The following ANKRD11 variants were observed in gnomAD, a reference collection of about 807,000 sequenced individuals.
The protein encoded by ANKRD11 is ankyrin repeat domain 11.
Under a neutral mutation model 195.7 loss-of-function variants are expected in ANKRD11, and 17 were observed. The ratio of observed to expected loss-of-function variants is 0.09; its 90% CI spans 0.06 to 0.13. The LOEUF (loss-of-function observed/expected upper bound fraction) is 0.13. ANKRD11 is among the 10% of genes least tolerant of loss of function. ANKRD11 has a pLI of 1.00. For synonymous variants in ANKRD11, 1,953 were observed against 1,528.1 expected, an observed-to-expected ratio of 1.28 and a Z score of -6.49; for missense variants, 3,735 against 3,566.1, an observed-to-expected ratio of 1.05 and a Z score of -1.21.
At chr16:89,468,713 AAAG>A (rs1317770552) in intron 1 of ANKRD11, among the ~76,000 whole-genome samples, 4 of 152,134 alleles carry the variant, frequency 2.6e-5, no homozygotes, top group Admixed American at 6.5e-5. Context: ...TCTCAAAAAA[AAAG>A]AAGGACGAAG....
intron 2 of ANKRD11, among the ~76,000 whole-genome samples, chr16:89,317,816 G>C (rs1483883884): frequency 6.6e-6 from 1 of 152,038 alleles, no homozygotes; most frequent in Non-Finnish European, 1.5e-5. Context: ...ACAAGTTTCT[G>C]GCCAGGGAGA....
intron 2 of ANKRD11, chr16:89,323,364 C>T (rs1246833090): frequency 2.3e-6 from 3 of 1,286,742 alleles, no homozygotes; most frequent in Non-Finnish European, 3.0e-6. Context: ...TGGCCTCTCA[C>T]CTCTCACCAT....
chr16:89,431,651 T>C (rs2152271278), intron 1 of ANKRD11, among the ~76,000 whole-genome samples: 1 of 152,190 alleles, frequency 6.6e-6, no homozygotes, highest in South Asian at 2.1e-4. Flanking sequence ...CTCCACCTCC[T>C]CCCTCAATGT....
rs533512528 is a variant in ANKRD11, at chr16:89,369,607, G to T, written c.-60+48677C>A. ...TTGCCAGGGTGGAAAGAGGATCCTG[G>T]AAAGGGAGGGGGTGCGGTCACAGAA... On this transcript the variant is annotated intron_variant, in intron 2 of 12. Coordinates refer to ENST00000301030, the MANE Select transcript of ANKRD11 (RefSeq NM_013275.6). Among the ~76,000 whole-genome samples the T allele has an allele frequency of 2.0e-5, 3 of 152,324 alleles. No homozygotes were observed. In the East Asian group the frequency reaches 5.8e-4, roughly 29 times the overall value.
intron 1 of ANKRD11, among the ~76,000 whole-genome samples, chr16:89,457,716 C>T (rs1033826497): frequency 6.6e-6 from 1 of 152,046 alleles, no homozygotes; most frequent in Non-Finnish European, 1.5e-5. Flanking sequence ...AATGGGCATT[C>T]TGCGGTGATG....
At chr16:89,328,050 A>G (rs2037827737) in intron 2 of ANKRD11, among the ~76,000 whole-genome samples, 1 of 152,256 alleles carries the variant, frequency 6.6e-6, no homozygotes. Flanking sequence ...AGAAAATAAG[A>G]GAAAACACAC....
chr16:89,456,796 G>A (rs111463390), intron 1 of ANKRD11, among the ~76,000 whole-genome samples: 1 of 152,170 alleles, frequency 6.6e-6, no homozygotes, highest in Non-Finnish European at 1.5e-5. Flanking sequence ...GTCAACAGTG[G>A]CTGAAGAGCT....
At chr16:89,480,752 G>A (rs2057418548) in intron 1 of ANKRD11, among the ~76,000 whole-genome samples, 1 of 152,002 alleles carries the variant, frequency 6.6e-6, no homozygotes, top group Admixed American at 6.6e-5. Context: ...AAATATCTGA[G>A]GGCAAATACC....
At chr16:89,317,901 C>A (rs1178481997) in intron 2 of ANKRD11, among the ~76,000 whole-genome samples, 1 of 152,134 alleles carries the variant, frequency 6.6e-6, no homozygotes, top group Non-Finnish European at 1.5e-5. Flanking sequence ...CCTTCTTACC[C>A]AAGTTCACGC....
intron 3 of ANKRD11, among the ~76,000 whole-genome samples, chr16:89,307,644 G>A (rs574633527): frequency 6.6e-6 from 1 of 152,364 alleles, no homozygotes; most frequent in East Asian, 1.9e-4. Context: ...CCGGCCCTCG[G>A]CCTGGGTGCC....
intron 1 of ANKRD11, among the ~76,000 whole-genome samples, chr16:89,478,222 GAA>G (rs2057323093): frequency 6.6e-6 from 1 of 152,156 alleles, no homozygotes; most frequent in Non-Finnish European, 1.5e-5. Flanking sequence ...GGCCAGCAGA[GAA>G]ACACTCCCAG....
chr16:89,405,366 CA>C (rs1424873096), intron 2 of ANKRD11, among the ~76,000 whole-genome samples: 1 of 152,078 alleles, frequency 6.6e-6, no homozygotes, highest in Non-Finnish European at 1.5e-5. Context: ...CTCTGTCACG[CA>C]GGCTAGAGTG....
chr16:89,384,807 C>T (rs1430826586), intron 2 of ANKRD11, among the ~76,000 whole-genome samples: 4 of 150,174 alleles, frequency 2.7e-5, no homozygotes, highest in African/African-American at 9.8e-5. Context: ...AGCCCAACAA[C>T]AGAACCGCTG....
intron 2 of ANKRD11, among the ~76,000 whole-genome samples, chr16:89,359,021 T>C (rs1290075926): frequency 6.6e-6 from 1 of 152,136 alleles, no homozygotes; most frequent in Admixed American, 6.5e-5. Flanking sequence ...GACAAGGCTA[T>C]ACATTTCTTA....
At chr16:89,349,240 A>G (rs918145541) in intron 2 of ANKRD11, among the ~76,000 whole-genome samples, 1 of 151,748 alleles carries the variant, frequency 6.6e-6, no homozygotes, top group South Asian at 2.1e-4. Context: ...AGAAAAGACC[A>G]AAAACAGGCC....
intron 2 of ANKRD11, among the ~76,000 whole-genome samples, chr16:89,385,828 C>T (rs147679343): frequency 6.6e-6 from 1 of 152,372 alleles, no homozygotes; most frequent in Non-Finnish European, 1.5e-5. Context: ...CAGCCAGAGG[C>T]CGGGGATTAG....
intron 1 of ANKRD11, chr16:89,458,759 T>G (rs1010795042): frequency 2.0e-5 from 3 of 152,192 alleles, no homozygotes; most frequent in Non-Finnish European, 4.4e-5. Flanking sequence ...TGATTTAACC[T>G]CCCAAAGAGG....
At position 89,284,179 on chromosome 16, in the gene ANKRD11, G is replaced by A; in HGVS notation, c.2363C>T (p.Ser788Leu). ...TTTAAAAATCTTCTCCTTCTCTTTT[G>A]AAATTTTGTCCTCTTTTAAATCATT... Reference protein sequence around the residue: ...KKNDLKEDKISKEKEKIFKED... With the variant: ...KKNDLKEDKILKEKEKIFKED... Residue 788 changes from serine (S) to leucine (L), a missense_variant, in exon 9 of 13, where the codon TCA (serine) becomes TTA (leucine). Ser to Leu is a moderately radical substitution (Grantham distance 145). Coordinates refer to ENST00000301030, the MANE Select transcript of ANKRD11 (RefSeq NM_013275.6). 1 of 1,604,956 alleles carries A rather than the reference G, an allele frequency of 6.2e-7. No individual in the cohort carries two copies. The highest frequency in any genetic ancestry group is 8.5e-7 in the Non-Finnish European group (1 of 1,177,960).
chr16:89,324,500 G>A lies in ANKRD11; in HGVS notation c.-59-7422C>T, dbSNP rs80051617. The A allele has an allele frequency of 4.2e-3, 1,902 of 456,382 alleles. 25 individuals carry two copies. Among genetic ancestry groups the A allele is most frequent in the African/African-American group, 0.035 (1,739 of 50,194 alleles). 28.3% of individuals were successfully genotyped at this position (456,382 alleles called of 1,614,324 possible). A position where few individuals can be genotyped will look rare whatever the true frequency, so the allele number is the denominator to read the frequency against. ...AAAGGATGTGTAACTGTTCCTGGGA[G>A]CATCTTGAGGAAGCTGCCAAAGGAG... On this transcript the variant is annotated intron_variant, in intron 2 of 12. Coordinates refer to ENST00000301030, the MANE Select transcript of ANKRD11 (RefSeq NM_013275.6).
Sources: gnomAD v4.1 joint callset for allele counts (sites outside exome capture counted in the v4.1 genomes callset) on GRCh38, gnomAD v4.1.1 for gene constraint, MANE v1.5 for transcripts, NCBI Gene and HGNC (gene_info 2026-07-23, HGNC 2026-07-21) for gene names.